The following GEMIN5 variants were observed in gnomAD, a reference collection of about 807,000 sequenced individuals.
The protein encoded by GEMIN5 is gem-associated protein 5.
In GEMIN5, 124 loss-of-function variants were observed where a neutral mutation model predicts 176.9. The observed-to-expected ratio is 0.70, with a 90% confidence interval of 0.61 to 0.81. The LOEUF is 0.81. Ranked by LOEUF, GEMIN5 falls within the 40% of genes least tolerant of loss-of-function variation. The pLI is 0.00. For missense variants in GEMIN5, 1,843 were observed against 1,814.6 expected (o/e 1.02, Z -0.28); for synonymous variants, 673 against 665.2 (o/e 1.01, Z -0.18).
intron 1 of GEMIN5, 119 bp from the exon 2 acceptor site, chr5:154,937,304 A>C (rs553056824): frequency 1.2e-6 from 1 of 802,000 alleles, no homozygotes; most frequent in Admixed American, 2.5e-5. Flanking sequence ...CCATGGTATA[A>C]CTGAAACACC....
At chr5:154,935,712 G>T in intron 3 of GEMIN5, 129 bp downstream of exon 3, 1 of 642,126 alleles carries the variant, frequency 1.6e-6, no homozygotes, top group Non-Finnish European at 2.7e-6. Context: ...GATGCCAGGG[G>T]CTCAGGGGGA....
rs762026001 is a variant in GEMIN5, at chr5:154,896,220, C to G, written c.3469G>C (p.Val1157Leu). Residue 1157 changes from valine (V) to leucine (L), a missense_variant, in exon 24 of 28, where the codon GTG becomes CTG. Coordinates refer to ENST00000285873, the MANE Select transcript of GEMIN5 (RefSeq NM_015465.5). ...TTCCACACTGCAGTCACCCTCTCCA[C>G]GAAAGGCCCTTCGGTGCCCGTGTTC... ...TWNTGTEGPF[V>L]ERVTAVWKSI... The G allele has an allele frequency of 6.2e-7, 1 of 1,613,906 alleles. No homozygotes were observed. Among genetic ancestry groups the G allele is most frequent in the Non-Finnish European group, 8.5e-7 (1 of 1,179,922 alleles).
At chr5:154,901,662 A>AT (rs1763467921) in intron 20 of GEMIN5, among the ~76,000 whole-genome samples, 176 bp from the exon 21 acceptor site, 2 of 152,238 alleles carry the variant, frequency 1.3e-5, no homozygotes, top group African/African-American at 2.4e-5. Flanking sequence ...TGAAGCATCA[A>AT]TTGTTTGATT....
Position 154,888,318 on chromosome 5 carries a change from G to A in GEMIN5, c.4419C>T (p.His1473=). 6.2e-7 allele frequency: 1 copy of A among 1,614,184 alleles called. No individual in the cohort carries two copies. Among genetic ancestry groups the A allele is most frequent in the Non-Finnish European group, 8.5e-7 (1 of 1,180,006 alleles). Reference sequence around the variant, plus strand: ...TTTCCTGGGCCAGACAGCCAGGAAAGTGGGACCTGATGAGAAGCAGGACGA... The same window carrying A: ...TTTCCTGGGCCAGACAGCCAGGAAAATGGGACCTGATGAGAAGCAGGACGA... ...CCLVLLLIRS[H]FPGCLAQEMQ... Residue 1473 remains histidine (H), a synonymous_variant, in exon 28 of 28, where the codon CAC becomes CAT. Coordinates refer to ENST00000285873, the MANE Select transcript of GEMIN5 (RefSeq NM_015465.5).
At chr5:154,912,173 A>G (rs910789558) in intron 14 of GEMIN5, among the ~76,000 whole-genome samples, 6 of 152,206 alleles carry the variant, frequency 3.9e-5, no homozygotes, top group African/African-American at 1.4e-4. Flanking sequence ...GTCTCGAACC[A>G]ATACTGTATG....
chr5:154,902,744 A>G (rs1763491193), intron 19 of GEMIN5, 68 bp from the exon 20 acceptor site: 1 of 1,515,120 alleles, frequency 6.6e-7, no homozygotes. Context: ...GTAGGAAAAG[A>G]AAGGCAAGAT....
chr5:154,932,135 C>G lies in GEMIN5; in HGVS notation c.625G>C (p.Glu209Gln). 3 of 1,613,786 alleles carry G rather than the reference C, an allele frequency of 1.9e-6. No homozygotes were observed. The highest frequency in any genetic ancestry group is 2.5e-6 in the Non-Finnish European group (3 of 1,179,750). ...TCTTGGTTTATAGATAAACAATCTT[C>G]ACCAGGCAGGGGACACCAGGCTATG... ...HSIAWCPLPG[E>Q]DCLSINQEET... is the part of the protein sequence containing the mutation. Residue 209 changes from glutamate (E) to glutamine (Q), a missense_variant, in exon 4 of 28, where the codon GAA (glutamate) becomes CAA (glutamine). By Grantham distance (29) the Glu-to-Gln change is conservative. Transcript: ENST00000285873.
intron 3 of GEMIN5, 21 bp from the exon 4 acceptor site, chr5:154,932,271 A>G: frequency 6.4e-7 from 1 of 1,568,292 alleles, no homozygotes; most frequent in South Asian, 1.1e-5. Flanking sequence ...AGAGTTAGAA[A>G]TATTACTAAA....
At chr5:154,905,754 C>T (rs1321975156) in intron 16 of GEMIN5, among the ~76,000 whole-genome samples, 1 of 145,346 alleles carries the variant, frequency 6.9e-6, no homozygotes, top group South Asian at 2.2e-4. Context: ...GCTGGAAATT[C>T]AGTGGCGCAA....
chr5:154,913,631 C>T (rs1306365683), intron 13 of GEMIN5, among the ~76,000 whole-genome samples: 1 of 151,972 alleles, frequency 6.6e-6, no homozygotes, highest in African/African-American at 2.4e-5. Flanking sequence ...CAAGACCGGC[C>T]TGTGGAAACC....
chr5:154,931,461 G>C lies in GEMIN5; in HGVS notation c.778C>G (p.Arg260Gly), dbSNP rs190793327. 6.9e-6 allele frequency: 11 copies of C among 1,603,754 alleles called. No homozygotes were observed. The Admixed American group carries it at 1.5e-4, about 22-fold the overall frequency. The change falls in exon 5 of 28, where the codon CGA becomes GGA. Residue 260 changes from arginine to glycine, a missense_variant. Transcript: ENST00000285873. ...ACAAAAGAAAGATCAATCTTACCTC[G>C]GCCTCTAGAACAGCTCCAGATTCGA... The part of the protein sequence containing the change: ...TIRIWSCSRG[R>G]GVMILKLPFL...
At position 154,904,071 on chromosome 5, in the gene GEMIN5, C is replaced by T. The variant is rs763966446; in HGVS notation, c.2632+436G>A. ...AAACAACCCTTCAAAACAAAACTTA[C>T]AAAGCAAAAGCTTCCATCAAATTTT... On this transcript the variant is annotated intron_variant, in intron 18 of 27. Coordinates refer to ENST00000285873, the MANE Select transcript of GEMIN5 (RefSeq NM_015465.5). Among the ~76,000 whole-genome samples the T allele has an allele frequency of 7.0e-4, 106 of 151,886 alleles. 1 individual carries two copies. The highest frequency in any genetic ancestry group is 1.3e-3 in the Non-Finnish European group (86 of 67,962).
chr5:154,936,334 G>A (rs905011085), intron 2 of GEMIN5, among the ~76,000 whole-genome samples: 9 of 97,226 alleles, frequency 9.3e-5, no homozygotes, highest in Non-Finnish European at 1.8e-4. Flanking sequence ...GGAGAATGGC[G>A]TCAACCCAGG....
intron 11 of GEMIN5, among the ~76,000 whole-genome samples, chr5:154,919,712 A>G (rs1763883608): frequency 6.6e-6 from 1 of 152,186 alleles, no homozygotes; most frequent in South Asian, 2.1e-4. Context: ...CCTTTTTTTC[A>G]GTAGTTCTTT....
intron 4 of GEMIN5, chr5:154,931,807 G>A: frequency 2.0e-6 from 1 of 498,914 alleles, no homozygotes; most frequent in East Asian, 3.5e-5. Flanking sequence ...CTGAGGTCGG[G>A]AGTTCAAGAC....
chr5:154,925,863 G>A lies in GEMIN5; in HGVS notation c.1292C>T (p.Ala431Val), dbSNP rs200564666. ...CAAGCTCAAAAAAAGAATCCTTACC[G>A]CTGTAACCTTGGACTTCACGCCTTG... ...FWQGVKSKVT[A>V]LCWHPTKEGC... Residue 431 changes from alanine to valine, a missense_variant and splice_region_variant, in exon 8 of 28, where the codon GCG (alanine) becomes GTG (valine). By Grantham distance (64) the Ala-to-Val change is moderately conservative. Transcript: ENST00000285873. The A allele has an allele frequency of 9.4e-5, 149 of 1,577,362 alleles. 2 individuals carry two copies. The Middle Eastern group carries it at 1.5e-3, about 16-fold the overall frequency.
At chr5:154,902,242 T>G (rs1354691652) in intron 20 of GEMIN5, among the ~76,000 whole-genome samples, 2 of 152,202 alleles carry the variant, frequency 1.3e-5, no homozygotes, top group Non-Finnish European at 2.9e-5. Context: ...CTCAGCCTCC[T>G]GAGCAGCTGG....
At chr5:154,908,824 A>G (rs1763628770) in intron 15 of GEMIN5, among the ~76,000 whole-genome samples, 1 of 152,200 alleles carries the variant, frequency 6.6e-6, no homozygotes, top group African/African-American at 2.4e-5. Context: ...TGTGTCTTGC[A>G]AGTTACTCCC....
intron 9 of GEMIN5, among the ~76,000 whole-genome samples, chr5:154,921,687 C>A (rs1310615557): frequency 1.1e-4 from 17 of 152,028 alleles, no homozygotes; most frequent in Admixed American, 1.1e-3. Context: ...TTTTACCCCC[C>A]AAAAAATGTT....
Sources: allele counts gnomAD v4.1 joint callset (sites outside exome capture counted in the v4.1 genomes callset), GRCh38; gene constraint gnomAD v4.1.1; transcripts MANE v1.5; gene names NCBI Gene and HGNC (gene_info 2026-07-23, HGNC 2026-07-21).